METTL16: variants seen among roughly 807,000 people sequenced by gnomAD.
METTL16 encodes the protein RNA N(6)-adenosine-methyltransferase METTL16.
METTL16 carries 19 observed loss-of-function variants against 57.9 expected under a neutral mutation model. The observed-to-expected ratio is 0.33, with a 90% confidence interval of 0.23 to 0.48. METTL16 has a LOEUF of 0.48. METTL16 is among the 20% of genes least tolerant of loss of function. METTL16 has a pLI of 0.99. For missense variants in METTL16, 434 were observed against 691.5 expected (o/e 0.63, Z 4.18); for synonymous variants, 246 against 255.6 (o/e 0.96, Z 0.36).
chr17:2,454,563 A>ATTTTTT (rs5818860), intron 6 of METTL16, among the ~76,000 whole-genome samples: 23 of 126,226 alleles, frequency 1.8e-4, no homozygotes, highest in East Asian at 6.6e-4. Context: ...TATTATTATT[A>ATTTTTT]TTTTTTTTTT....
chr17:2,480,400 G>A (rs2151570583), intron 2 of METTL16, among the ~76,000 whole-genome samples: 1 of 152,240 alleles, frequency 6.6e-6, no homozygotes, highest in African/African-American at 2.4e-5. Flanking sequence ...AAGGGATGAA[G>A]AATGAAGCTT....
chr17:2,483,885 CGAA>C (rs1482839192), intron 2 of METTL16, among the ~76,000 whole-genome samples: 1 of 152,180 alleles, frequency 6.6e-6, no homozygotes, highest in East Asian at 1.9e-4. Flanking sequence ...TTACATATGA[CGAA>C]GAAGTTCACA....
In METTL16 at chr17:2,420,347, C is replaced by T; in HGVS notation, c.1312G>A (p.Glu438Lys). ...CCCTCCACAGCGGCAGCCTCGCCTT[C>T]CCGCAGAGCAGGCCCACAGGGGGTC... ...ERTPCGPALR[E>K]GEAAAVEGPC... Residue 438 changes from glutamate (E) to lysine (K), a missense_variant, in exon 10 of 10, where the codon GAA becomes AAA. By Grantham distance (56) the Glu-to-Lys change is moderately conservative. Around this residue, in one of 5 missense-constraint regions of METTL16, gnomAD observed 168 missense variants for 149.6 expected, o/e 1.12. Transcript: ENST00000263092. This position sits in a 1 kb window ranked among gnomAD's most constrained non-coding sequence, Gnocchi z 5.4. 2.5e-6 allele frequency: 4 copies of T among 1,611,900 alleles called. No homozygotes were observed. Among genetic ancestry groups the T allele is most frequent in the Non-Finnish European group, 3.4e-6 (4 of 1,180,018 alleles).
intron 2 of METTL16, among the ~76,000 whole-genome samples, chr17:2,483,703 T>A (rs1282549698): frequency 6.6e-6 from 1 of 152,208 alleles, no homozygotes; most frequent in Non-Finnish European, 1.5e-5. Context: ...CTAAAAGCAG[T>A]ATAAACTCAG....
chr17:2,481,228 C>CAAAAAAAAAAAAAAAAAAA (rs74363068), intron 2 of METTL16, among the ~76,000 whole-genome samples: 1 of 113,894 alleles, frequency 8.8e-6, no homozygotes, highest in Non-Finnish European at 1.9e-5. Context: ...GAAACAATGA[C>CAAAAAAAAAAAAAAAAAAA]AAAAAAAAAA....
intron 6 of METTL16, among the ~76,000 whole-genome samples, chr17:2,447,473 C>G (rs2151553837): frequency 7.3e-6 from 1 of 136,732 alleles, no homozygotes; most frequent in South Asian, 2.4e-4. Context: ...CCCCGCCCGG[C>G]CAGCCGCCCC....
At chr17:2,430,947 AATT>A (rs966493841) in intron 8 of METTL16, among the ~76,000 whole-genome samples, 2 of 151,230 alleles carry the variant, frequency 1.3e-5, no homozygotes, top group African/African-American at 4.9e-5. Context: ...AAATAATAAT[AATT>A]ATTATTATTT....
In METTL16 at chr17:2,501,947, G is replaced by C. The variant is rs568214437; in HGVS notation, c.128+257C>G. On this transcript the variant is annotated intron_variant, in intron 2 of 9. Transcript: ENST00000263092. The stretch of plus-strand genomic sequence containing the variant: ...ATCGTAAATCTCTGAAGTTACTCTG[G>C]GATTTCCGTAGGGTAAGCAACAATT... Among the ~76,000 whole-genome samples the C allele has an allele frequency of 1.1e-4, 16 of 152,190 alleles. No individual in the cohort carries two copies. In the South Asian group the frequency reaches 3.3e-3, roughly 32 times the overall value.
At chr17:2,430,412 CTTTTTTTT>C (rs903960118) in intron 8 of METTL16, among the ~76,000 whole-genome samples, 13 of 118,496 alleles carry the variant, frequency 1.1e-4, no homozygotes, top group Admixed American at 1.9e-4. Context: ...TTAGAATTCT[CTTTTTTTT>C]TTTTTTTTTT....
intron 6 of METTL16, among the ~76,000 whole-genome samples, chr17:2,463,379 A>G (rs1398395870): frequency 6.6e-6 from 1 of 152,180 alleles, no homozygotes; most frequent in Non-Finnish European, 1.5e-5. Flanking sequence ...AGTAAACACT[A>G]ATCAATTAAA....
Position 2,428,593 on chromosome 17 carries a change from AT to A in METTL16, c.889-7690del, listed in dbSNP as rs1567881667. ...TATATATATATATATATATATATAT[AT>A]ATATATATAAATTGTAATACAGCGG... On this transcript the variant is annotated intron_variant, in intron 8 of 9. Transcript: ENST00000263092. Among the ~76,000 whole-genome samples the A allele has an allele frequency of 1.2e-3, 55 of 46,412 alleles. 4 individuals are homozygous for A. The highest frequency in any genetic ancestry group is 5.0e-3 in the African/African-American group (46 of 9,164). 30.4% of individuals were successfully genotyped at this position (46,412 alleles called of 152,430 possible).
intron 6 of METTL16, among the ~76,000 whole-genome samples, chr17:2,453,745 G>A (rs2067088604): frequency 6.6e-6 from 1 of 152,118 alleles, no homozygotes; most frequent in African/African-American, 2.4e-5. Context: ...CAAAATTTAA[G>A]AGCCTCTAAA....
intron 5 of METTL16, 92 bp from the exon 6 acceptor site, chr17:2,464,442 G>A: frequency 7.9e-7 from 1 of 1,262,378 alleles, no homozygotes; most frequent in Non-Finnish European, 1.1e-6. Context: ...ATGTTTAGTT[G>A]CAATTTTTAC....
At chr17:2,510,644 A>AGTTT (rs969077474) in intron 1 of METTL16, among the ~76,000 whole-genome samples, 3 of 152,058 alleles carry the variant, frequency 2.0e-5, no homozygotes, top group Non-Finnish European at 4.4e-5. Context: ...TATTCTTCAG[A>AGTTT]GTTTAACTGG....
At chr17:2,474,245 C>T (rs959903768) in intron 3 of METTL16, among the ~76,000 whole-genome samples, 1 of 151,944 alleles carries the variant, frequency 6.6e-6, no homozygotes, top group Non-Finnish European at 1.5e-5. Context: ...TATTAAAATG[C>T]CTTTGTAATA....
intron 8 of METTL16, among the ~76,000 whole-genome samples, chr17:2,430,697 C>T (rs968995774): frequency 1.3e-5 from 2 of 151,896 alleles, no homozygotes; most frequent in Non-Finnish European, 2.9e-5. Context: ...GGATTACAGG[C>T]GTGAGCCACC....
chr17:2,497,692 A>G (rs1163445602), intron 2 of METTL16, among the ~76,000 whole-genome samples: 1 of 151,506 alleles, frequency 6.6e-6, no homozygotes, highest in African/African-American at 2.4e-5. Context: ...ACCTTTAGAT[A>G]TGTTGTAAAA....
intron 2 of METTL16, among the ~76,000 whole-genome samples, chr17:2,493,340 T>C (rs180996752): frequency 0.01 from 1,584 of 151,408 alleles, 30 homozygotes; most frequent in African/African-American, 0.037. Flanking sequence ...CCGCCCGCCT[T>C]GGCCTCCCAA....
Position 2,485,576 on chromosome 17 carries a change from A to G in METTL16, c.129-7691T>C, listed in dbSNP as rs1331333608. Among the ~76,000 whole-genome samples the G allele has an allele frequency of 2.0e-5, 3 of 152,294 alleles. No homozygotes were observed. The East Asian group carries it at 5.8e-4, about 29-fold the overall frequency. On this transcript the variant is annotated intron_variant, in intron 2 of 9. Coordinates refer to ENST00000263092, the MANE Select transcript of METTL16 (RefSeq NM_024086.4). The stretch of plus-strand genomic sequence containing the variant: ...TACTCTACTTTTAAAAGTGAAATAT[A>G]AAAATGTTTATTTTGAGCACTACTT...
Sources: allele counts gnomAD v4.1 joint callset (sites outside exome capture counted in the v4.1 genomes callset), GRCh38; gene constraint gnomAD v4.1.1; regional missense constraint gnomAD v4.1.1; non-coding constraint Gnocchi (gnomAD v3.1); transcripts MANE v1.5; gene names NCBI Gene and HGNC (gene_info 2026-07-23, HGNC 2026-07-21).